The following BRD8 variants were observed in gnomAD, a reference collection of about 807,000 sequenced individuals.
BRD8 encodes bromodomain containing 8.
Under a neutral mutation model 143.1 loss-of-function variants are expected in BRD8, and 67 were observed. That is an observed-to-expected ratio of 0.47 (90% CI 0.38 to 0.57). BRD8 has a LOEUF of 0.57. BRD8 is among the 20% of genes least tolerant of loss of function. The pLI is 0.00. For missense variants in BRD8, 1,103 were observed against 1,503.0 expected (o/e 0.73, Z 4.40); for synonymous variants, 505 against 517.1 (o/e 0.98, Z 0.32).
At position 138,164,388 on chromosome 5, in the gene BRD8, G is replaced by A. The variant is rs373126684; in HGVS notation, c.1757C>T (p.Pro586Leu). Residue 586 changes from proline (P) to leucine (L), a missense_variant, in exon 13 of 27, where the codon CCA becomes CTA. Coordinates refer to ENST00000254900, the MANE Select transcript of BRD8 (RefSeq NM_139199.2). ...TEASPESMLS[P>L]SHGSNPIEDP... ...TTCAATGGGATTTGAGCCATGTGAT[G>A]GAGACAACATGCTTTCAGGGGATGC... 1 of 1,614,082 alleles carries A rather than the reference G, an allele frequency of 6.2e-7. No individual in the cohort carries two copies. The highest frequency in any genetic ancestry group is 8.5e-7 in the Non-Finnish European group (1 of 1,179,994).
chr5:138,170,265 T>A, intron 7 of BRD8, 80 bp downstream of exon 7: 1 of 983,654 alleles, frequency 1.0e-6, no homozygotes, highest in Non-Finnish European at 1.6e-6. Context: ...ATGTATTCTA[T>A]GTTACAAAAC....
At position 138,163,552 on chromosome 5, in the gene BRD8, T is replaced by C. The variant is rs1397838556; in HGVS notation, c.1873-208A>G. ...CCTGGACAAAGAATAATACCCAGGA[T>C]CTTTTAAAAAGAAAGAAAAAAAAAA... On this transcript the variant is annotated intron_variant, in intron 14 of 26. Coordinates refer to ENST00000254900, the MANE Select transcript of BRD8 (RefSeq NM_139199.2). 1.9e-5 allele frequency: 28 copies of C among 1,470,198 alleles called. No homozygotes were observed. In the African/African-American group the frequency reaches 2.7e-4, roughly 14 times the overall value. 91.1% of individuals were successfully genotyped at this position (1,470,198 alleles called of 1,614,324 possible).
At chr5:138,170,171 C>A (rs1035540186) in intron 7 of BRD8, among the ~76,000 whole-genome samples, 174 bp downstream of exon 7, 2 of 152,174 alleles carry the variant, frequency 1.3e-5, no homozygotes, top group Non-Finnish European at 2.9e-5. Context: ...CTGAGCACAA[C>A]GCATGTTCTA....
chr5:138,155,532 T>G (rs896935477), intron 20 of BRD8, among the ~76,000 whole-genome samples: 3 of 151,608 alleles, frequency 2.0e-5, no homozygotes, highest in Non-Finnish European at 4.4e-5. Flanking sequence ...AAGTTGGAAT[T>G]GAACTGAGAT....
intron 14 of BRD8, chr5:138,163,546 C>G: frequency 4.1e-6 from 6 of 1,472,332 alleles, no homozygotes; most frequent in Non-Finnish European, 5.4e-6. Context: ...AGAATAATAC[C>G]CAGGATCTTT....
chr5:138,144,832 A>G (rs1752072069), intron 25 of BRD8, among the ~76,000 whole-genome samples: 1 of 147,018 alleles, frequency 6.8e-6, no homozygotes, highest in Non-Finnish European at 1.5e-5. Flanking sequence ...GCCTGGGAAG[A>G]GGATGTTGCA....
intron 20 of BRD8, among the ~76,000 whole-genome samples, chr5:138,158,053 GC>G (rs1243027696): frequency 6.6e-6 from 1 of 152,144 alleles, no homozygotes; most frequent in African/African-American, 2.4e-5. Context: ...AACATAAGTT[GC>G]CCATGAGGCA....
chr5:138,151,135 T>C (rs910316668), intron 21 of BRD8, 127 bp from the exon 22 acceptor site: 1 of 1,248,626 alleles, frequency 8.0e-7, no homozygotes, highest in African/African-American at 1.5e-5. Flanking sequence ...GTTTAATTAA[T>C]ACAATCATCT....
intron 23 of BRD8, among the ~76,000 whole-genome samples, chr5:138,146,512 C>T (rs115375641): frequency 0.1 from 15,248 of 151,926 alleles, 960 homozygotes; most frequent in Non-Finnish European, 0.13. Context: ...CATGCCACCA[C>T]GCCCTGCAGC....
intron 25 of BRD8, among the ~76,000 whole-genome samples, chr5:138,143,673 C>T (rs62381762): frequency 2.5e-5 from 2 of 79,304 alleles, no homozygotes; most frequent in Non-Finnish European, 3.5e-5. Context: ...CACCAATCAG[C>T]GCTCTGTGTC....
Position 138,164,878 on chromosome 5 carries a change from C to A in BRD8, c.1567G>T (p.Glu523Ter). Residue 523 changes from glutamate (E) to a stop codon, truncating the protein, a stop_gained, in exon 12 of 27, where the codon GAA (glutamate) becomes TAA (stop). Coordinates refer to ENST00000254900, the MANE Select transcript of BRD8 (RefSeq NM_139199.2). LOFTEE classifies it high-confidence loss of function. ...AEPEPVISGAEIVAGVVPATS... is the reference protein window; with the variant it reads ...AEPEPVISGA ...GCTGGAACAACTCCAGCTACTATTT[C>A]GGCTCCTGAAATGACTGGCTCTGGT... 6.2e-7 allele frequency: 1 copy of A among 1,614,172 alleles called. No individual in the cohort carries two copies. Among genetic ancestry groups the A allele is most frequent in the Non-Finnish European group, 8.5e-7 (1 of 1,180,030 alleles).
intron 2 of BRD8, among the ~76,000 whole-genome samples, chr5:138,175,696 T>TA (rs1754263713): frequency 2.3e-5 from 2 of 85,506 alleles, no homozygotes; most frequent in Non-Finnish European, 2.4e-5. Flanking sequence ...AATATTTAAA[T>TA]TAAAAAAAAA....
chr5:138,161,598 C>A (rs1017279353), intron 17 of BRD8, among the ~76,000 whole-genome samples, 198 bp downstream of exon 17: 1 of 152,218 alleles, frequency 6.6e-6, no homozygotes, highest in Non-Finnish European at 1.5e-5. Flanking sequence ...GCGTGAGCCA[C>A]CGCTCCTGGT....
Position 138,177,681 on chromosome 5 carries a change from A to G in BRD8, c.20-14T>C, listed in dbSNP as rs1339384980. 4.1e-6 allele frequency: 4 copies of G among 968,108 alleles called. 1 individual carries two copies. Among genetic ancestry groups the G allele is most frequent in the South Asian group, 4.0e-5 (2 of 49,468 alleles). 60.0% of individuals were successfully genotyped at this position (968,108 alleles called of 1,614,324 possible). A position where few individuals can be genotyped will look rare whatever the true frequency, so the allele number is the denominator to read the frequency against. ...GCAGCTTGTGTTCTGGGAAAGGGAG[A>G]AAAAAAAAAAAGCCTTGGAAACAAC... On this transcript the variant is annotated splice_polypyrimidine_tract_variant and intron_variant, in intron 1 of 26. Coordinates refer to ENST00000254900, the MANE Select transcript of BRD8 (RefSeq NM_139199.2).
rs183787642 is a variant in BRD8 at position 138,154,901 on chromosome 5, A to G, written c.2578-2141T>C. Reference sequence around the variant, plus strand: ...TTGGAGTGCAGTGGCTTGATCTCGGATCACTGCAACCTCTGCCTCCCAGGC... The same window carrying G: ...TTGGAGTGCAGTGGCTTGATCTCGGGTCACTGCAACCTCTGCCTCCCAGGC... On this transcript the variant is annotated intron_variant, in intron 20 of 26. Coordinates refer to ENST00000254900, the MANE Select transcript of BRD8 (RefSeq NM_139199.2). 3.8e-3 allele frequency among the ~76,000 whole-genome samples: 544 copies of G among 142,964 alleles called. 4 individuals are homozygous for G. Among genetic ancestry groups the G allele is most frequent in the African/African-American group, 0.014 (516 of 37,870 alleles). The allele number at this position is 142,964 out of a possible 152,430, so 93.8% of individuals were successfully genotyped here. A position where few individuals can be genotyped will look rare whatever the true frequency, so the allele number is the denominator to read the frequency against.
At position 138,140,135 on chromosome 5, in the gene BRD8, CCTTTT is replaced by C. The variant is rs1349977159; in HGVS notation, c.3642_3646del (p.Lys1215LeufsTer3). ...TGGTTCTCCTTCCAGACTACTTGAGCCTTTTCTTTTGTCTAACCAGATATTCAGTA... is the reference window on the plus strand; with the variant it reads ...TGGTTCTCCTTCCAGACTACTTGAGCCTTTTGTCTAACCAGATATTCAGTA... On this transcript the variant is annotated frameshift_variant, in exon 27 of 27. Transcript: ENST00000254900. LOFTEE classifies it high-confidence loss of function. 3 of 1,613,740 alleles carry C rather than the reference CCTTTT, an allele frequency of 1.9e-6. No individual in the cohort carries two copies. The highest frequency in any genetic ancestry group is 4.5e-5 in the East Asian group (2 of 44,876).
chr5:138,163,184 A>C lies in BRD8; in HGVS notation c.2033T>G (p.Leu678Arg), dbSNP rs1230797855. The stretch of plus-strand genomic sequence containing the variant: ...GGAGTCTGCCAGTGTGTGTGACTGC[A>C]GTGTAGCATTGTGTATGCTGAAGCC... ...DDGFSIHNAT[L>R]QSHTLADSIP... The change falls in exon 15 of 27, where the codon CTG becomes CGG. Residue 678 changes from leucine to arginine, a missense_variant. Physicochemically the swap from Leu to Arg is moderately radical, Grantham distance 102. Transcript: ENST00000254900. 1 of 1,614,134 alleles carries C rather than the reference A, an allele frequency of 6.2e-7. No individual in the cohort carries two copies. The highest frequency in any genetic ancestry group is 1.1e-5 in the South Asian group (1 of 91,072).
intron 20 of BRD8, among the ~76,000 whole-genome samples, 187 bp downstream of exon 20, chr5:138,159,368 A>C (rs537463463): frequency 1.5e-4 from 22 of 151,346 alleles, no homozygotes; most frequent in South Asian, 2.1e-4. Flanking sequence ...TACCCAGCCC[A>C]CACACACACA....
chr5:138,170,291 A>G, intron 7 of BRD8, 54 bp downstream of exon 7: 1 of 1,169,592 alleles, frequency 8.5e-7, no homozygotes, highest in African/African-American at 1.5e-5. Context: ...AACTGTCATT[A>G]GCATGCAGTA....
Sources: allele counts gnomAD v4.1 joint callset (sites outside exome capture counted in the v4.1 genomes callset), GRCh38; gene constraint gnomAD v4.1.1; transcripts MANE v1.5; gene names NCBI Gene and HGNC (gene_info 2026-07-23, HGNC 2026-07-21).